Variants in CLCC1 observed in about 807,000 individuals in gnomAD.
CLCC1 encodes chloride channel CLIC-like protein 1.
In CLCC1, 39 loss-of-function variants were observed where a neutral mutation model predicts 63.3. That is an observed-to-expected ratio of 0.62 (90% CI 0.48 to 0.81). The LOEUF (loss-of-function observed/expected upper bound fraction) is 0.81. CLCC1 is among the 30% of genes least tolerant of loss of function. The pLI is 0.00. For synonymous variants in CLCC1, 217 were observed against 239.8 expected (o/e 0.90, Z 0.88); for missense variants, 549 against 669.4 (o/e 0.82, Z 1.98).
At position 108,939,750 on chromosome 1, in the gene CLCC1, C is replaced by A. The variant is rs146056637; in HGVS notation, c.927G>T (p.Thr309=). ...CTTTTCCAATATGCTTCAATGGCTCCGTTACAAATGTGGTGAATGTAACTG... is the reference window on the plus strand; with the variant it reads ...CTTTTCCAATATGCTTCAATGGCTCAGTTACAAATGTGGTGAATGTAACTG... The part of the protein sequence containing the change: ...ALAVTFTTFV[T]EPLKHIGKGT... Residue 309 remains threonine (T), a synonymous_variant, in exon 10 of 13, where the codon ACG becomes ACT. Coordinates refer to ENST00000369969, the MANE Select transcript of CLCC1 (RefSeq NM_001377458.1). 2.5e-6 allele frequency: 4 copies of A among 1,613,940 alleles called. No individual in the cohort carries two copies. In the South Asian group the frequency reaches 3.3e-5, roughly 13 times the overall value.
At position 108,943,333 on chromosome 1, in the gene CLCC1, A is replaced by G. The variant is rs970101912; in HGVS notation, c.702+142T>C. ...AAAAACTGTCAGCTAAGAAGTGTCC[A>G]TTTAATTCCTCTCCAGCGTGGGCCA... On this transcript the variant is annotated intron_variant, in intron 7 of 12. Coordinates refer to ENST00000369969, the MANE Select transcript of CLCC1 (RefSeq NM_001377458.1). The G allele has an allele frequency of 1.7e-5, 13 of 787,216 alleles. No homozygotes were observed. In the African/African-American group the frequency reaches 2.3e-4, roughly 14 times the overall value. The allele number at this position is 787,216 out of a possible 1,614,324, so 48.8% of individuals were successfully genotyped here.
chr1:108,931,379 T>C lies in CLCC1; in HGVS notation c.*1168A>G, dbSNP rs912713277. On this transcript the variant is annotated 3_prime_UTR_variant, in exon 13 of 13. Transcript: ENST00000369969. ...AACTAACTGTAGCAAAAGACAAGTA[T>C]GGGACAGACTGGGACCTGGAGTAAC... 1.3e-6 allele frequency: 2 copies of C among 1,551,012 alleles called. No individual in the cohort carries two copies. The highest frequency in any genetic ancestry group is 2.7e-5 in the African/African-American group (2 of 73,006).
At chr1:108,962,561 A>T (rs1656793293) in intron 1 of CLCC1, 92 bp from the exon 2 acceptor site, 2 of 152,118 alleles carry the variant, frequency 1.3e-5, no homozygotes, top group Admixed American at 1.3e-4. Flanking sequence ...GGTGTGTCTA[A>T]CTTTTTACAC....
intron 7 of CLCC1, among the ~76,000 whole-genome samples, chr1:108,943,038 T>C (rs1342410187): frequency 1.3e-5 from 2 of 152,136 alleles, no homozygotes; most frequent in East Asian, 1.9e-4. Flanking sequence ...GCCTGCTGAG[T>C]AGCTGGGACT....
At chr1:108,944,651 A>G (rs1317922219) in intron 5 of CLCC1, among the ~76,000 whole-genome samples, 2 of 148,720 alleles carry the variant, frequency 1.3e-5, no homozygotes, top group Non-Finnish European at 3.0e-5. Context: ...TTTTTTTTAG[A>G]TGGAGTCTCA....
At chr1:108,939,419 G>C (rs1198396908) in intron 10 of CLCC1, among the ~76,000 whole-genome samples, 2 of 150,308 alleles carry the variant, frequency 1.3e-5, no homozygotes, top group East Asian at 3.9e-4. Context: ...CCGTTCTCCT[G>C]CCTCAGCCTC....
At chr1:108,953,547 T>C (rs1436555962) in intron 2 of CLCC1, among the ~76,000 whole-genome samples, 2 of 152,202 alleles carry the variant, frequency 1.3e-5, no homozygotes, top group Non-Finnish European at 2.9e-5. Flanking sequence ...CTTACCTAGA[T>C]CTGAAGTCAC....
chr1:108,944,276 C>T (rs1654236014), intron 5 of CLCC1, among the ~76,000 whole-genome samples: 3 of 152,128 alleles, frequency 2.0e-5, no homozygotes, highest in African/African-American at 7.2e-5. Flanking sequence ...TCAAGACCAG[C>T]CTGGGCAACA....
intron 9 of CLCC1, 27 bp downstream of exon 9, chr1:108,940,018 G>C: frequency 5.9e-6 from 9 of 1,528,026 alleles, no homozygotes; most frequent in African/African-American, 1.4e-5. Context: ...CTGACTTTAA[G>C]TAATTTTTAC....
At chr1:108,941,371 A>G in intron 8 of CLCC1, 34 bp downstream of exon 8, 1 of 1,548,956 alleles carries the variant, frequency 6.5e-7, no homozygotes. Context: ...CAGAATTTCT[A>G]TTCAAAATAA....
chr1:108,943,720 T>A (rs1481429655), intron 6 of CLCC1, 105 bp from the exon 7 acceptor site: 26 of 1,487,448 alleles, frequency 1.7e-5, no homozygotes, highest in Non-Finnish European at 2.4e-5. Flanking sequence ...TGTGGCTTGT[T>A]CATCAATACG....
chr1:108,937,201 CTT>C lies in CLCC1; in HGVS notation c.1257_1258del (p.Glu421AspfsTer8). 9 of 1,611,018 alleles carry C rather than the reference CTT, an allele frequency of 5.6e-6. No individual in the cohort carries two copies. Among genetic ancestry groups the C allele is most frequent in the Non-Finnish European group, 7.6e-6 (9 of 1,178,688 alleles). On this transcript the variant is annotated frameshift_variant, in exon 11 of 13. Coordinates refer to ENST00000369969, the MANE Select transcript of CLCC1 (RefSeq NM_001377458.1). LOFTEE classifies it high-confidence loss of function. ...AACATCTCTCTCTCTCAAAATCTCT[CTT>C]CTACCCTCATACGTTTTGGCATAAG...
At chr1:108,959,474 T>G (rs1204354495) in intron 2 of CLCC1, among the ~76,000 whole-genome samples, 1 of 152,212 alleles carries the variant, frequency 6.6e-6, no homozygotes, top group Non-Finnish European at 1.5e-5. Context: ...CATGCTAGTT[T>G]TGCTGTCGCA....
rs1199642594 is a variant in CLCC1 at position 108,929,518 on chromosome 1, GATT to G, written c.*3026_*3028del. ...AATTTTATGCAGTTTCAGGTTTAAA[GATT>G]ATTTCTTTCAGAAATCAGGCTGGGA... On this transcript the variant is annotated 3_prime_UTR_variant, in exon 13 of 13. Transcript: ENST00000369969. 1.6e-6 allele frequency: 1 copy of G among 635,522 alleles called. No individual in the cohort carries two copies. The allele number at this position is 635,522 out of a possible 1,614,324, so 39.4% of individuals were successfully genotyped here.
At chr1:108,943,723 T>C in intron 6 of CLCC1, 108 bp from the exon 7 acceptor site, 1 of 1,476,062 alleles carries the variant, frequency 6.8e-7, no homozygotes, top group Non-Finnish European at 9.4e-7. Flanking sequence ...GGCTTGTTCA[T>C]CAATACGGTA....
chr1:108,949,274 C>T lies in CLCC1; in HGVS notation c.231+546G>A, dbSNP rs79463711. Among the ~76,000 whole-genome samples the T allele has an allele frequency of 4.9e-3, 752 of 152,298 alleles. 12 individuals carry two copies. The highest frequency in any genetic ancestry group is 0.017 in the African/African-American group (700 of 41,560). On this transcript the variant is annotated intron_variant, in intron 4 of 12. Transcript: ENST00000369969. Reference sequence around the variant, plus strand: ...AGTTCACCCTGCCTACGCAGCCAACCGAGGGTGGCTCCCACAGCACATAAC... The same window carrying T: ...AGTTCACCCTGCCTACGCAGCCAACTGAGGGTGGCTCCCACAGCACATAAC...
rs201803860 is a variant in CLCC1 at position 108,929,704 on chromosome 1, T to C, written c.*2843A>G. On this transcript the variant is annotated 3_prime_UTR_variant, in exon 13 of 13. Transcript: ENST00000369969. ...AATCTCTCTCATAAACTTCTAGGGA[T>C]CCAGATTAGATGATCAAAGATGTGC... is the stretch of plus-strand genomic sequence containing the variant. 6.2e-7 allele frequency: 1 copy of C among 1,613,142 alleles called. No individual in the cohort carries two copies. The highest frequency in any genetic ancestry group is 8.5e-7 in the Non-Finnish European group (1 of 1,179,238).
Position 108,934,687 on chromosome 1 carries a change from T to G in CLCC1, c.1639A>C (p.Ser547Arg). ...GTGTTCCTCTAGCCACAGGGGCTGC[T>G]GACCGGATCCTGTCCACGTGGTCCA... ...VAGPRGQDPV[S>R]SPCG is the part of the protein sequence containing the mutation. The change falls in exon 12 of 13, where the codon AGC (serine) becomes CGC (arginine). Residue 547 changes from serine (S) to arginine (R), a missense_variant. Coordinates refer to ENST00000369969, the MANE Select transcript of CLCC1 (RefSeq NM_001377458.1). The G allele has an allele frequency of 3.1e-6, 5 of 1,613,264 alleles. No homozygotes were observed. The highest frequency in any genetic ancestry group is 4.2e-6 in the Non-Finnish European group (5 of 1,179,810).
chr1:108,938,870 A>T (rs1350766369), intron 10 of CLCC1, among the ~76,000 whole-genome samples: 1 of 152,170 alleles, frequency 6.6e-6, no homozygotes, highest in Non-Finnish European at 1.5e-5. Flanking sequence ...ATTATTCTAA[A>T]TCACTGCTAT....
Sources: gnomAD v4.1 joint callset for allele counts (sites outside exome capture counted in the v4.1 genomes callset) on GRCh38, gnomAD v4.1.1 for gene constraint, MANE v1.5 for transcripts, NCBI Gene and HGNC (gene_info 2026-07-23, HGNC 2026-07-21) for gene names.